SLC35D4: variants seen among roughly 807,000 people sequenced by gnomAD.
SLC35D4 encodes solute carrier family 35 member D4, also known as UDP-N-acetylglucosamine transporter SLC35D4.
At chr18:23,378,459 C>T in the SLC35D4 span, among the ~76,000 whole-genome samples, 5 of 152,104 alleles carry the variant, frequency 3.3e-5, no homozygotes, top group Non-Finnish European at 5.9e-5. Context: ...GGAGAAGGGA[C>T]ATTTTACTCC....
the SLC35D4 span, among the ~76,000 whole-genome samples, chr18:23,261,724 A>T: frequency 6.6e-6 from 1 of 152,364 alleles, no homozygotes; most frequent in Non-Finnish European, 1.5e-5. Context: ...AAATTACATG[A>T]GATAGTCAAC....
At chr18:23,370,065 G>C in the SLC35D4 span, 1 of 579,468 alleles carries the variant, frequency 1.7e-6, no homozygotes, top group South Asian at 2.2e-5. Flanking sequence ...TGTAATCCCA[G>C]CTACTCGGGA....
the SLC35D4 span, among the ~76,000 whole-genome samples, chr18:23,240,139 C>T: frequency 2.0e-5 from 3 of 152,074 alleles, no homozygotes; most frequent in East Asian, 1.9e-4. Context: ...ACAAAAACAG[C>T]GGCAGGAAAT....
At chr18:23,344,201 G>A in the SLC35D4 span, among the ~76,000 whole-genome samples, 10 of 152,108 alleles carry the variant, frequency 6.6e-5, no homozygotes, top group African/African-American at 2.4e-4. Flanking sequence ...CTTTTTTATG[G>A]CTGCATAGTA....
At chr18:23,437,927 AGCAGCAGCG>A in the SLC35D4 span, 1 of 1,504,300 alleles carries the variant, frequency 6.6e-7, no homozygotes, top group East Asian at 2.5e-5. Context: ...CCCCCGCAGC[AGCAGCAGCG>A]GCAGCGGCAG....
At chr18:23,338,505 G>A in the SLC35D4 span, among the ~76,000 whole-genome samples, 121 of 152,174 alleles carry the variant, frequency 8.0e-4, no homozygotes, top group African/African-American at 2.8e-3. Context: ...TTATTGCATT[G>A]TTTACAGATG....
chr18:23,411,162 A>G, the SLC35D4 span, among the ~76,000 whole-genome samples: 1 of 138,198 alleles, frequency 7.2e-6, no homozygotes, highest in South Asian at 2.7e-4. Context: ...GAAGGAGGGA[A>G]GGAGGGAAGG....
At chr18:23,307,932 C>G in the SLC35D4 span, among the ~76,000 whole-genome samples, 1 of 152,314 alleles carries the variant, frequency 6.6e-6, no homozygotes, top group African/African-American at 2.4e-5. Context: ...TCTGAAGAGC[C>G]TGCCTGTCCC....
chr18:23,413,938 C>T, the SLC35D4 span, among the ~76,000 whole-genome samples: 10 of 121,392 alleles, frequency 8.2e-5, no homozygotes, highest in South Asian at 2.7e-4. Flanking sequence ...AGGGAGGCTC[C>T]GCCTCAAAAA....
chr18:23,371,286 G>A, the SLC35D4 span: 1 of 616,318 alleles, frequency 1.6e-6, no homozygotes, highest in Non-Finnish European at 2.7e-6. Context: ...GTAGAGATGG[G>A]GTTTCTCAAG....
the SLC35D4 span, among the ~76,000 whole-genome samples, chr18:23,437,390 G>A: frequency 6.6e-6 from 1 of 152,078 alleles, no homozygotes; most frequent in Non-Finnish European, 1.5e-5. Flanking sequence ...ACTTCACGGG[G>A]GCTCTGGGAC....
At chr18:23,397,252 A>G in the SLC35D4 span, among the ~76,000 whole-genome samples, 3 of 152,332 alleles carry the variant, frequency 2.0e-5, no homozygotes, top group East Asian at 3.9e-4. Flanking sequence ...GGGCTGGCCA[A>G]TCAACATAAT....
chr18:23,399,745 A>C, the SLC35D4 span: 2 of 1,095,486 alleles, frequency 1.8e-6, no homozygotes, highest in Non-Finnish European at 2.7e-6. Flanking sequence ...AACTACAACA[A>C]CAGAGGCTGT....
At chr18:23,421,437 T>C in the SLC35D4 span, 2,564 of 1,614,008 alleles carry the variant, frequency 1.6e-3, 30 homozygotes, top group African/African-American at 0.03. Flanking sequence ...CCAATGAGCG[T>C]CTGCCACCTG....
the SLC35D4 span, among the ~76,000 whole-genome samples, chr18:23,336,505 A>AT: frequency 6.6e-5 from 10 of 152,244 alleles, no homozygotes; most frequent in African/African-American, 2.4e-4. Context: ...CCATAATTAG[A>AT]TTTTTTAAGC....
At chr18:23,245,320 C>T in the SLC35D4 span, among the ~76,000 whole-genome samples, 1 of 152,208 alleles carries the variant, frequency 6.6e-6, no homozygotes, top group African/African-American at 2.4e-5. Context: ...CCAGCCTAGC[C>T]AACATGGCGA....
At chr18:23,327,707 G>C in the SLC35D4 span, among the ~76,000 whole-genome samples, 1 of 152,118 alleles carries the variant, frequency 6.6e-6, no homozygotes, top group Non-Finnish European at 1.5e-5. Flanking sequence ...CATTTTATGA[G>C]GGCAGCATCA....
the SLC35D4 span, among the ~76,000 whole-genome samples, chr18:23,370,655 GA>G: frequency 2.6e-5 from 4 of 152,290 alleles, no homozygotes; most frequent in African/African-American, 9.6e-5. Context: ...TTTCCCCCAG[GA>G]CTACAGACAA....
the SLC35D4 span, among the ~76,000 whole-genome samples, chr18:23,360,526 A>C: frequency 2.6e-5 from 4 of 152,224 alleles, no homozygotes; most frequent in African/African-American, 9.6e-5. Context: ...AGACACAAAA[A>C]GTACTGATGA....
Sources: gnomAD v4.1 joint callset for allele counts (sites outside exome capture counted in the v4.1 genomes callset) on GRCh38, gnomAD v4.1.1 for gene constraint, MANE v1.5 for transcripts, NCBI Gene and HGNC (gene_info 2026-07-23, HGNC 2026-07-21) for gene names.